HECW2: variants seen among roughly 807,000 people sequenced by gnomAD.
HECW2 encodes HECT, C2 and WW domain containing E3 ubiquitin protein ligase 2.
HECW2 carries 61 observed loss-of-function variants against 175.2 expected under a neutral mutation model. That is an observed-to-expected ratio of 0.35 (90% CI 0.28 to 0.43). HECW2 has a LOEUF of 0.43. HECW2 is among the 20% of genes least tolerant of loss of function. The probability of loss-of-function intolerance (pLI) is 1.00; values close to 1 mark genes in which losing one functional copy is unlikely to be tolerated. For synonymous variants in HECW2, 671 were observed against 731.0 expected, an observed-to-expected ratio of 0.92 and a Z score of 1.32; for missense variants, 1,524 against 2,000.5, an observed-to-expected ratio of 0.76 and a Z score of 4.54.
chr2:196,222,187 C>T lies in HECW2; in HGVS notation c.4146+24G>A, dbSNP rs777527425. On this transcript the variant is annotated intron_variant, in intron 24 of 28. Transcript: ENST00000644978. ...ATAGCCTTCAGTTACCACACTTAGG[C>T]GCCAGGTGTGCAGATACACACACCT... The T allele has an allele frequency of 3.6e-5, 58 of 1,598,458 alleles. No homozygotes were observed. The South Asian group carries it at 4.6e-4, about 13-fold the overall frequency.
chr2:196,398,871 T>C (rs1694742708), intron 2 of HECW2, among the ~76,000 whole-genome samples: 1 of 152,024 alleles, frequency 6.6e-6, no homozygotes, highest in African/African-American at 2.4e-5. Context: ...CTACTTGCAT[T>C]TGGGAGGGTG....
chr2:196,317,552 C>T (rs545420873), intron 9 of HECW2, among the ~76,000 whole-genome samples, 183 bp from the exon 10 acceptor site: 1 of 152,160 alleles, frequency 6.6e-6, no homozygotes, highest in South Asian at 2.1e-4. Flanking sequence ...AAGAGGGCTT[C>T]CTGAAGAAAT....
intron 13 of HECW2, among the ~76,000 whole-genome samples, chr2:196,301,847 G>A (rs746260262): frequency 4.6e-5 from 7 of 151,872 alleles, no homozygotes; most frequent in Admixed American, 2.0e-4. Flanking sequence ...TGTTCACTCT[G>A]ATGATAGTTT....
chr2:196,507,370 C>A (rs1445626443), intron 1 of HECW2, among the ~76,000 whole-genome samples: 1 of 152,118 alleles, frequency 6.6e-6, no homozygotes, highest in African/African-American at 2.4e-5. Context: ...AGTCTTAGAA[C>A]TCATATGTTT....
At chr2:196,498,375 C>CT (rs1687467637) in intron 1 of HECW2, among the ~76,000 whole-genome samples, 2 of 152,116 alleles carry the variant, frequency 1.3e-5, no homozygotes, top group South Asian at 4.2e-4. Flanking sequence ...CTAAAGGTCC[C>CT]TTTTTTATTT....
chr2:196,338,150 T>C (rs1239385668), intron 3 of HECW2, among the ~76,000 whole-genome samples: 1 of 152,042 alleles, frequency 6.6e-6, no homozygotes, highest in Non-Finnish European at 1.5e-5. Context: ...CCAGGGCAAG[T>C]TGGGGAGGCG....
chr2:196,278,746 A>AGAAGTGAGT, intron 14 of HECW2, 84 bp from the exon 15 acceptor site: 1 of 1,438,142 alleles, frequency 7.0e-7, no homozygotes, highest in Non-Finnish European at 9.7e-7. Flanking sequence ...GAAAAGACTC[A>AGAAGTGAGT]CTTCTGAGTC....
intron 15 of HECW2, among the ~76,000 whole-genome samples, chr2:196,277,504 AG>A (rs1337860424): frequency 6.6e-6 from 1 of 152,214 alleles, no homozygotes; most frequent in Admixed American, 6.5e-5. Context: ...GTGGAGAAAT[AG>A]GAACACTTTT....
chr2:196,545,848 CTA>C (rs1689401463), intron 1 of HECW2, among the ~76,000 whole-genome samples: 1 of 152,154 alleles, frequency 6.6e-6, no homozygotes, highest in African/African-American at 2.4e-5. Context: ...TTATAAAATT[CTA>C]TGTTGCCCAA....
At chr2:196,305,146 G>A (rs1365753496) in intron 13 of HECW2, among the ~76,000 whole-genome samples, 1 of 152,200 alleles carries the variant, frequency 6.6e-6, no homozygotes, top group East Asian at 1.9e-4. Context: ...CATTATAATT[G>A]CTCTCAAGTC....
chr2:196,261,382 C>T (rs139509662), intron 17 of HECW2, among the ~76,000 whole-genome samples: 27 of 152,260 alleles, frequency 1.8e-4, no homozygotes, highest in African/African-American at 6.0e-4. Flanking sequence ...TGGTAGAATC[C>T]ACTCATCCCA....
At chr2:196,377,429 C>T (rs965719467) in intron 2 of HECW2, among the ~76,000 whole-genome samples, 1 of 152,194 alleles carries the variant, frequency 6.6e-6, no homozygotes, top group African/African-American at 2.4e-5. Flanking sequence ...TTCCACATAG[C>T]TAGGGAGGCC....
intron 2 of HECW2, 51 bp from the exon 3 acceptor site, chr2:196,343,815 G>T: frequency 9.3e-7 from 1 of 1,080,124 alleles, no homozygotes; most frequent in Non-Finnish European, 1.4e-6. Flanking sequence ...CTTTCTCTCC[G>T]TAGCAGGAAG....
At chr2:196,483,468 C>T (rs1686909524) in intron 1 of HECW2, among the ~76,000 whole-genome samples, 1 of 152,162 alleles carries the variant, frequency 6.6e-6, no homozygotes. Flanking sequence ...CTGAGTGGGA[C>T]AGGGAGGAGG....
chr2:196,317,360 G>T lies in HECW2; in HGVS notation c.2348C>A (p.Ala783Asp). 2 of 1,611,496 alleles carry T rather than the reference G, an allele frequency of 1.2e-6. No homozygotes were observed. The highest frequency in any genetic ancestry group is 8.5e-7 in the Non-Finnish European group (1 of 1,178,704). The change falls in exon 10 of 29, where the codon GCC becomes GAC. Residue 783 changes from alanine to aspartate, a missense_variant. Ala to Asp is a moderately radical substitution (Grantham distance 126). This residue lies in a region of HECW2 where 82 missense variants were observed against 124.4 expected (regional missense o/e 0.66). Coordinates refer to ENST00000644978, the MANE Select transcript of HECW2 (RefSeq NM_001348768.2). ...TGATCGCAGTGGCTGGTGGCCGTTG[G>T]CTTGAGAACCTAGGATTAAAGGTAG... ...QEEGATGGSQ[A>D]NGHQPLRSLP...
intron 16 of HECW2, among the ~76,000 whole-genome samples, chr2:196,272,497 T>A (rs1320710604): frequency 6.6e-6 from 1 of 152,190 alleles, no homozygotes; most frequent in Non-Finnish European, 1.5e-5. Context: ...TCTAAATTCT[T>A]AAACATCAGA....
intron 13 of HECW2, among the ~76,000 whole-genome samples, chr2:196,294,523 T>G (rs1690734524): frequency 6.6e-6 from 1 of 152,182 alleles, no homozygotes; most frequent in African/African-American, 2.4e-5. Context: ...CTTTATGGGT[T>G]GTTATCTATT....
chr2:196,441,736 G>C (rs771894233), intron 1 of HECW2, among the ~76,000 whole-genome samples: 118 of 152,232 alleles, frequency 7.8e-4, no homozygotes, highest in South Asian at 2.9e-3. Flanking sequence ...ATCATAACTT[G>C]ATGCTTAGCT....
At chr2:196,573,504 G>A (rs75203470) in intron 1 of HECW2, among the ~76,000 whole-genome samples, 2 of 152,190 alleles carry the variant, frequency 1.3e-5, no homozygotes, top group East Asian at 3.9e-4. Flanking sequence ...GGACAAGGGA[G>A]CAAACAGGTC....
Sources: allele counts gnomAD v4.1 joint callset (sites outside exome capture counted in the v4.1 genomes callset), GRCh38; gene constraint gnomAD v4.1.1; regional missense constraint gnomAD v4.1.1; transcripts MANE v1.5; gene names NCBI Gene and HGNC (gene_info 2026-07-23, HGNC 2026-07-21).